SNX18: variants seen among roughly 807,000 people sequenced by gnomAD.
The protein encoded by SNX18 is sorting nexin 18.
A neutral mutation model predicts 48.7 loss-of-function variants in SNX18; 35 were observed. The ratio of observed to expected loss-of-function variants is 0.72; its 90% CI spans 0.55 to 0.95. The LOEUF (loss-of-function observed/expected upper bound fraction) is 0.95. Ranked by LOEUF, SNX18 falls within the 40% of genes least tolerant of loss-of-function variation. The pLI, the probability that SNX18 is intolerant of heterozygous loss-of-function variation, is 0.00. For missense variants in SNX18, 824 were observed against 871.0 expected, an observed-to-expected ratio of 0.95 and a Z score of 0.68; for synonymous variants, 492 against 384.7, an observed-to-expected ratio of 1.28 and a Z score of -3.26.
intron 1 of SNX18, among the ~76,000 whole-genome samples, chr5:54,538,960 A>G (rs1372374091): frequency 6.6e-6 from 1 of 152,230 alleles, no homozygotes; most frequent in African/African-American, 2.4e-5. Context: ...GATTACACGT[A>G]GCTCTCCTTA....
the SNX18 span, among the ~76,000 whole-genome samples, chr5:54,640,816 TTGGGAGGCCGAGG>T: frequency 6.6e-6 from 1 of 152,180 alleles, no homozygotes; most frequent in South Asian, 2.1e-4. Context: ...TCCCAGCACT[TTGGGAGGCCGAGG>T]TGGGAGAATC....
chr5:54,538,002 G>T (rs185789684), intron 1 of SNX18, among the ~76,000 whole-genome samples: 2 of 152,296 alleles, frequency 1.3e-5, no homozygotes, highest in East Asian at 3.9e-4. Flanking sequence ...AGTCTATGAT[G>T]ATCTAACTCT....
the SNX18 span, chr5:54,645,355 G>GTTGCA: frequency 6.6e-6 from 1 of 152,346 alleles, no homozygotes; most frequent in Non-Finnish European, 1.5e-5. Context: ...TGTGTATTGT[G>GTTGCA]TTGCATTGCA....
rs936240300 is a variant in SNX18 at position 54,517,849 on chromosome 5, G to T, written c.-104G>T. ...GGCAGCGTGGGTTTGCCGCCTTCGG[G>T]GCTCCAGTCCGCGCGCCAGGGCTCG... On this transcript the variant is annotated 5_prime_UTR_variant, in exon 1 of 2. Transcript: ENST00000381410. 4.4e-4 allele frequency: 548 copies of T among 1,246,250 alleles called. No homozygotes were observed. Among genetic ancestry groups the T allele is most frequent in the Non-Finnish European group, 5.5e-4 (533 of 972,698 alleles). The allele number at this position is 1,246,250 out of a possible 1,614,324, so 77.2% of individuals were successfully genotyped here.
chr5:54,640,410 G>T, the SNX18 span, among the ~76,000 whole-genome samples: 1 of 149,124 alleles, frequency 6.7e-6, no homozygotes, highest in Admixed American at 6.7e-5. Context: ...TTAAAAAAAA[G>T]ATGGGGTTTT....
At chr5:54,546,879 C>A (rs1762584131), downstream of SNX18, among the ~76,000 whole-genome samples, 1 of 152,176 alleles carries the variant, frequency 6.6e-6, no homozygotes, top group South Asian at 2.1e-4. Context: ...ATACCTGAGA[C>A]AGAAGCAGGT....
the SNX18 span, among the ~76,000 whole-genome samples, chr5:54,586,858 G>A: frequency 4.6e-5 from 7 of 152,274 alleles, no homozygotes; most frequent in South Asian, 2.1e-4. Flanking sequence ...ATGATACAGA[G>A]GAGAGTGGCC....
chr5:54,562,180 C>T, the SNX18 span, among the ~76,000 whole-genome samples: 2 of 152,162 alleles, frequency 1.3e-5, no homozygotes, highest in African/African-American at 4.8e-5. Flanking sequence ...AAAATCACTC[C>T]CTGTTACTGA....
intron 1 of SNX18, among the ~76,000 whole-genome samples, chr5:54,537,015 G>T (rs1055811491): frequency 6.6e-6 from 1 of 152,180 alleles, no homozygotes; most frequent in Non-Finnish European, 1.5e-5. Context: ...TCTGTCAGCT[G>T]CATAAATGTC....
At position 54,517,840 on chromosome 5, in the gene SNX18, C is replaced by T. The variant is rs184284543; in HGVS notation, c.-113C>T. On this transcript the variant is annotated 5_prime_UTR_variant, in exon 1 of 2. Transcript: ENST00000381410. Reference sequence around the variant, plus strand: ...GCTGGTCCGGGCAGCGTGGGTTTGCCGCCTTCGGGGCTCCAGTCCGCGCGC... The same window carrying T: ...GCTGGTCCGGGCAGCGTGGGTTTGCTGCCTTCGGGGCTCCAGTCCGCGCGC... 4 of 1,189,162 alleles carry T rather than the reference C, an allele frequency of 3.4e-6. No homozygotes were observed. The highest frequency in any genetic ancestry group is 3.2e-5 in the East Asian group (1 of 30,998). The allele number at this position is 1,189,162 out of a possible 1,614,324, so 73.7% of individuals were successfully genotyped here. A position where few individuals can be genotyped will look rare whatever the true frequency, so the allele number is the denominator to read the frequency against.
At chr5:54,542,492 G>A (rs889744134) in intron 1 of SNX18, among the ~76,000 whole-genome samples, 1 of 152,218 alleles carries the variant, frequency 6.6e-6, no homozygotes, top group Non-Finnish European at 1.5e-5. Flanking sequence ...TCAGACATGT[G>A]TTCGCAATTC....
rs1195219099 is a variant in SNX18, at chr5:54,518,095, G to C, written c.143G>C (p.Arg48Pro). The change falls in exon 1 of 2, where the codon CGC (arginine) becomes CCC (proline). Residue 48 changes from arginine to proline, a missense_variant. Transcript: ENST00000381410. ...WLEGVNSRGD[R>P]GLFPASYVQV... is the part of the protein sequence containing the mutation. ...GAGGGGGTCAACAGCCGCGGCGACC[G>C]CGGCCTCTTCCCGGCCTCCTATGTG... 6.6e-7 allele frequency: 1 copy of C among 1,522,526 alleles called. No homozygotes were observed. Among genetic ancestry groups the C allele is most frequent in the Non-Finnish European group, 8.8e-7 (1 of 1,141,002 alleles). The allele number at this position is 1,522,526 out of a possible 1,614,324, so 94.3% of individuals were successfully genotyped here.
At chr5:54,616,892 G>T in the SNX18 span, among the ~76,000 whole-genome samples, 1 of 152,168 alleles carries the variant, frequency 6.6e-6, no homozygotes, top group Admixed American at 6.6e-5. Flanking sequence ...GGTAACTGTG[G>T]GGTTTCTTTT....
the SNX18 span, among the ~76,000 whole-genome samples, chr5:54,570,173 G>A: frequency 2.3e-4 from 35 of 152,194 alleles, 1 homozygote; most frequent in Non-Finnish European, 3.7e-4. Context: ...TGCACTGGGA[G>A]AGCACCAAGT....
the SNX18 span, among the ~76,000 whole-genome samples, chr5:54,553,299 G>A: frequency 7.2e-5 from 11 of 152,180 alleles, no homozygotes; most frequent in African/African-American, 2.4e-4. Flanking sequence ...TGATAAACGA[G>A]ACATGGTGGC....
the SNX18 span, among the ~76,000 whole-genome samples, chr5:54,575,711 G>C: frequency 1.3e-5 from 2 of 151,892 alleles, no homozygotes; most frequent in Non-Finnish European, 2.9e-5. Context: ...TTTTCCATGA[G>C]AAAGATACTA....
the SNX18 span, among the ~76,000 whole-genome samples, chr5:54,591,628 C>T: frequency 2.0e-5 from 3 of 152,240 alleles, no homozygotes; most frequent in Non-Finnish European, 2.9e-5. Flanking sequence ...GTAGATGTCA[C>T]TAATGTTCTC....
chr5:54,518,282 A>G lies in SNX18; in HGVS notation c.330A>G (p.Pro110=), dbSNP rs771136464. The G allele has an allele frequency of 1.3e-6, 2 of 1,499,708 alleles. No individual in the cohort carries two copies. The highest frequency in any genetic ancestry group is 2.9e-5 in the African/African-American group (2 of 68,578). 92.9% of individuals were successfully genotyped at this position (1,499,708 alleles called of 1,614,324 possible). ...PPDAFQALLQ[P]QQAPPPSTFQ... The stretch of plus-strand genomic sequence containing the variant: ...ACGCCTTCCAGGCGCTGCTGCAGCC[A>G]CAGCAGGCGCCGCCTCCGAGCACCT... Residue 110 remains proline (P), a synonymous_variant, in exon 1 of 2, where the codon CCA becomes CCG. Transcript: ENST00000381410.
At chr5:54,640,210 C>CTT in the SNX18 span, among the ~76,000 whole-genome samples, 342 of 146,266 alleles carry the variant, frequency 2.3e-3, no homozygotes, top group Non-Finnish European at 2.3e-3. Context: ...GAAATAGATT[C>CTT]TTTTTTTTTT....
Sources: gnomAD v4.1 joint callset for allele counts (sites outside exome capture counted in the v4.1 genomes callset) on GRCh38, gnomAD v4.1.1 for gene constraint, MANE v1.5 for transcripts, NCBI Gene and HGNC (gene_info 2026-07-23, HGNC 2026-07-21) for gene names.